AK9: variants seen among roughly 807,000 people sequenced by gnomAD.
AK9 encodes the protein adenylate kinase domain containing 1.
AK9 carries 191 observed loss-of-function variants against 239.6 expected under a neutral mutation model. The observed-to-expected ratio is 0.80, with a 90% CI of 0.71 to 0.90. The LOEUF (loss-of-function observed/expected upper bound fraction) is 0.90. Ranked by LOEUF, AK9 falls within the 40% of genes least tolerant of loss-of-function variation. The pLI, the probability that AK9 is intolerant of heterozygous loss-of-function variation, is 0.00. For missense variants in AK9, 1,995 were observed against 2,214.7 expected (o/e 0.90, Z 1.99); for synonymous variants, 689 against 721.0 (o/e 0.96, Z 0.71).
intron 7 of AK9, 85 bp downstream of exon 7, chr6:109,659,143 T>G (rs1204794167): frequency 7.2e-7 from 1 of 1,381,156 alleles, no homozygotes; most frequent in Non-Finnish European, 9.5e-7. Flanking sequence ...GCATCTACTA[T>G]TTCCTATTAC....
chr6:109,593,431 G>C (rs1053813281), intron 17 of AK9, among the ~76,000 whole-genome samples: 4 of 151,864 alleles, frequency 2.6e-5, no homozygotes, highest in African/African-American at 4.8e-5. Flanking sequence ...ATTCTACCAG[G>C]GGTACAAAGA....
intron 12 of AK9, among the ~76,000 whole-genome samples, chr6:109,621,789 G>A (rs1312229373): frequency 1.4e-5 from 2 of 143,428 alleles, no homozygotes; most frequent in Non-Finnish European, 3.0e-5. Flanking sequence ...TATACCTAAT[G>A]CTAGATGATG....
At chr6:109,536,731 G>T (rs557882371) in intron 27 of AK9, among the ~76,000 whole-genome samples, 2 of 152,256 alleles carry the variant, frequency 1.3e-5, no homozygotes, top group East Asian at 3.9e-4. Context: ...TATGATATTG[G>T]CTGTGGGTTT....
rs780988329 is a variant in AK9, at chr6:109,499,150, A to C, written c.4940T>G (p.Leu1647Arg). ...GEFEQFCPVS[L>R]AESQELFDCS... The stretch of plus-strand genomic sequence containing the variant: ...ATCAAATAATTCCTGGGATTCTGCC[A>C]GGCTGACAGGGCAGAACTGTTCAAA... The change falls in exon 36 of 41, where the codon CTG (leucine) becomes CGG (arginine). Residue 1647 changes from leucine (L) to arginine (R), a missense_variant. By Grantham distance (102) the Leu-to-Arg change is moderately radical. Around this residue, in one of 5 missense-constraint regions of AK9, gnomAD observed 391 missense variants for 456.0 expected, o/e 0.86. Coordinates refer to ENST00000424296, the MANE Select transcript of AK9 (RefSeq NM_001145128.3). The C allele has an allele frequency of 3.7e-6, 6 of 1,610,780 alleles. No homozygotes were observed. The East Asian group carries it at 1.3e-4, about 36-fold the overall frequency.
intron 12 of AK9, 67 bp from the exon 13 acceptor site, chr6:109,619,303 T>C: frequency 7.0e-7 from 1 of 1,436,006 alleles, no homozygotes; most frequent in East Asian, 2.6e-5. Flanking sequence ...ACATTGTTCA[T>C]CTATCTATGT....
chr6:109,615,457 TAG>T (rs1794071553), intron 13 of AK9, among the ~76,000 whole-genome samples: 1 of 152,184 alleles, frequency 6.6e-6, no homozygotes, highest in Non-Finnish European at 1.5e-5. Flanking sequence ...GCCACTTTAG[TAG>T]ACTGAGCCAA....
chr6:109,663,263 A>G (rs1800686017), intron 5 of AK9, among the ~76,000 whole-genome samples: 1 of 152,124 alleles, frequency 6.6e-6, no homozygotes, highest in Non-Finnish European at 1.5e-5. Context: ...TTTCCTTAAT[A>G]TATTTCTTCA....
chr6:109,604,847 C>T (rs1379274150), intron 17 of AK9, among the ~76,000 whole-genome samples: 5 of 152,114 alleles, frequency 3.3e-5, no homozygotes, highest in African/African-American at 1.2e-4. Flanking sequence ...TTGATATATG[C>T]TTTTGTTCAC....
At chr6:109,632,843 T>C (rs1583336167) in intron 12 of AK9, 80 bp downstream of exon 12, 4 of 1,460,666 alleles carry the variant, frequency 2.7e-6, no homozygotes, top group East Asian at 2.6e-5. Flanking sequence ...TAATCGAGTA[T>C]AGATACATGA....
At chr6:109,651,481 C>T (rs9386833) in intron 8 of AK9, among the ~76,000 whole-genome samples, 13,041 of 152,018 alleles carry the variant, frequency 0.086, 914 homozygotes, top group African/African-American at 0.19. Flanking sequence ...GATCTAAAAT[C>T]GACAACCTAA....
intron 19 of AK9, among the ~76,000 whole-genome samples, chr6:109,583,031 T>G (rs1789049169): frequency 6.6e-6 from 1 of 152,212 alleles, no homozygotes; most frequent in Admixed American, 6.6e-5. Flanking sequence ...TTTTTAGACA[T>G]AATGCTATTG....
At chr6:109,554,432 T>C (rs1784716729) in intron 24 of AK9, among the ~76,000 whole-genome samples, 1 of 152,064 alleles carries the variant, frequency 6.6e-6, no homozygotes, top group Non-Finnish European at 1.5e-5. Context: ...TGGGAGGGTG[T>C]ATGTGTCCAG....
At chr6:109,571,448 C>G (rs553944571) in intron 21 of AK9, among the ~76,000 whole-genome samples, 4 of 152,258 alleles carry the variant, frequency 2.6e-5, no homozygotes, top group Admixed American at 2.6e-4. Context: ...ACCTTTCTCT[C>G]AAGCCGAAGT....
chr6:109,655,005 G>T (rs1038222167), intron 8 of AK9, among the ~76,000 whole-genome samples: 1 of 152,166 alleles, frequency 6.6e-6, no homozygotes, highest in Non-Finnish European at 1.5e-5. Flanking sequence ...TGGCTATTCA[G>T]CAAGTGTCAT....
chr6:109,495,801 C>T (rs752917308), intron 38 of AK9, among the ~76,000 whole-genome samples: 31 of 152,142 alleles, frequency 2.0e-4, no homozygotes, highest in Non-Finnish European at 3.4e-4. Context: ...GAGCTACCCA[C>T]TTGTTCTCTT....
intron 21 of AK9, among the ~76,000 whole-genome samples, chr6:109,568,925 A>C (rs1384927035): frequency 1.3e-5 from 2 of 152,208 alleles, no homozygotes; most frequent in Non-Finnish European, 2.9e-5. Flanking sequence ...ATTGGAAAAA[A>C]CTACTTTAAA....
chr6:109,524,288 G>GA (rs1312942915), intron 29 of AK9, among the ~76,000 whole-genome samples: 2 of 152,080 alleles, frequency 1.3e-5, no homozygotes, highest in East Asian at 1.9e-4. Context: ...AAAAAAGATG[G>GA]AAAAAAATCA....
intron 12 of AK9, among the ~76,000 whole-genome samples, chr6:109,628,914 A>C (rs74905729): frequency 1.1e-4 from 3 of 28,246 alleles, no homozygotes; most frequent in Admixed American, 7.1e-4. Flanking sequence ...CGTTTCATTT[A>C]AAAAAAACAA....
At chr6:109,541,028 C>T (rs1267958815) in intron 27 of AK9, among the ~76,000 whole-genome samples, 1 of 152,176 alleles carries the variant, frequency 6.6e-6, no homozygotes, top group African/African-American at 2.4e-5. Flanking sequence ...GGCCCTCTCC[C>T]CTGGCTCCCT....
Sources: gnomAD v4.1 joint callset for allele counts (sites outside exome capture counted in the v4.1 genomes callset) on GRCh38, gnomAD v4.1.1 for gene constraint, gnomAD v4.1.1 regional missense constraint, MANE v1.5 for transcripts, NCBI Gene and HGNC (gene_info 2026-07-23, HGNC 2026-07-21) for gene names.